The following LRP1B variants were observed in gnomAD, a reference collection of about 807,000 sequenced individuals.
LRP1B encodes low-density lipoprotein receptor-related protein 1B.
A neutral mutation model predicts 556.6 loss-of-function variants in LRP1B; 217 were observed. The observed-to-expected ratio is 0.39, with a 90% CI of 0.35 to 0.44. The LOEUF (loss-of-function observed/expected upper bound fraction) is 0.44. Among genes scored for constraint, LRP1B ranks in the 20% least tolerant of loss-of-function variants. The pLI is 1.00. For synonymous variants in LRP1B, 2,047 were observed against 1,865.8 expected, an observed-to-expected ratio of 1.10 and a Z score of -2.50; for missense variants, 5,053 against 5,620.8, an observed-to-expected ratio of 0.90 and a Z score of 3.23.
At chr2:141,837,985 T>C (rs913086966) in intron 1 of LRP1B, among the ~76,000 whole-genome samples, 6 of 152,130 alleles carry the variant, frequency 3.9e-5, no homozygotes, top group Admixed American at 3.9e-4. Flanking sequence ...ACAGAGAGTA[T>C]ACACTAGGAG....
intron 2 of LRP1B, among the ~76,000 whole-genome samples, chr2:141,599,942 A>G (rs1399625911): frequency 6.6e-6 from 1 of 150,800 alleles, no homozygotes; most frequent in Admixed American, 6.6e-5. Context: ...GCCTCCACTC[A>G]CTCCCTGCCC....
intron 83 of LRP1B, among the ~76,000 whole-genome samples, chr2:140,299,216 C>A (rs1281386936): frequency 1.3e-5 from 2 of 151,992 alleles, no homozygotes; most frequent in Non-Finnish European, 2.9e-5. Flanking sequence ...AAGTCTAAAT[C>A]TTTTGAGAAA....
At chr2:141,847,961 TATA>T (rs1697711023) in intron 1 of LRP1B, among the ~76,000 whole-genome samples, 1 of 151,654 alleles carries the variant, frequency 6.6e-6, no homozygotes, top group South Asian at 2.1e-4. Flanking sequence ...GATTTTTATA[TATA>T]ATATTTACAA....
At chr2:141,747,594 C>T (rs957186964) in intron 2 of LRP1B, among the ~76,000 whole-genome samples, 7 of 151,986 alleles carry the variant, frequency 4.6e-5, no homozygotes, top group African/African-American at 1.7e-4. Flanking sequence ...CTATGATATC[C>T]CGACTGTACT....
chr2:140,851,491 AATC>A (rs746109243), intron 28 of LRP1B, among the ~76,000 whole-genome samples, 158 bp downstream of exon 28: 3 of 152,232 alleles, frequency 2.0e-5, no homozygotes, highest in African/African-American at 4.8e-5. Context: ...AGAGCAGATG[AATC>A]ATCAATAGTG....
intron 41 of LRP1B, among the ~76,000 whole-genome samples, chr2:140,687,076 T>C (rs750547735): frequency 6.6e-6 from 1 of 152,048 alleles, no homozygotes; most frequent in Non-Finnish European, 1.5e-5. Flanking sequence ...TTTGCTCAAA[T>C]AGAAGGAACA....
chr2:141,735,200 A>T (rs1256676592), intron 2 of LRP1B, among the ~76,000 whole-genome samples: 1 of 151,904 alleles, frequency 6.6e-6, no homozygotes, highest in African/African-American at 2.4e-5. Flanking sequence ...TGAAAGACAA[A>T]GCCAGACACA....
At chr2:140,420,562 T>C (rs1180412415) in intron 66 of LRP1B, among the ~76,000 whole-genome samples, 1 of 152,236 alleles carries the variant, frequency 6.6e-6, no homozygotes, top group Non-Finnish European at 1.5e-5. Context: ...ACATGAATGC[T>C]CATAGCAGTT....
chr2:141,693,210 C>A (rs531094716), intron 2 of LRP1B, among the ~76,000 whole-genome samples: 21 of 152,100 alleles, frequency 1.4e-4, no homozygotes, highest in African/African-American at 5.1e-4. Context: ...CAGCAATTAG[C>A]ATTTTTTTCT....
chr2:141,854,052 TA>T (rs1697956570), intron 1 of LRP1B, among the ~76,000 whole-genome samples: 1 of 152,008 alleles, frequency 6.6e-6, no homozygotes, highest in African/African-American at 2.4e-5. Context: ...TATTATTCTG[TA>T]AAGTATGCAA....
chr2:140,987,368 T>G (rs1696957472), intron 17 of LRP1B, among the ~76,000 whole-genome samples: 1 of 152,050 alleles, frequency 6.6e-6, no homozygotes. Flanking sequence ...TATTATTAGG[T>G]TGGTGCAAAA....
At chr2:141,722,593 T>A (rs1264582360) in intron 2 of LRP1B, among the ~76,000 whole-genome samples, 1 of 152,152 alleles carries the variant, frequency 6.6e-6, no homozygotes, top group Non-Finnish European at 1.5e-5. Context: ...AATAATGTAT[T>A]AAGCAAAACT....
chr2:141,209,135 T>A (rs1009027093), intron 6 of LRP1B, among the ~76,000 whole-genome samples: 1 of 151,840 alleles, frequency 6.6e-6, no homozygotes, highest in Admixed American at 6.6e-5. Flanking sequence ...AATAAGGAAA[T>A]CTAGAACTGA....
intron 2 of LRP1B, among the ~76,000 whole-genome samples, chr2:141,662,900 T>C (rs1468445388): frequency 6.6e-6 from 1 of 152,050 alleles, no homozygotes; most frequent in South Asian, 2.1e-4. Flanking sequence ...GCATGACACT[T>C]ACTCCAAAAT....
At chr2:140,634,015 A>G (rs1683986962) in intron 41 of LRP1B, among the ~76,000 whole-genome samples, 4 of 152,190 alleles carry the variant, frequency 2.6e-5, no homozygotes, top group Admixed American at 2.6e-4. Flanking sequence ...ACGGCAGACC[A>G]ATGTTTCTCA....
chr2:141,557,208 C>CA (rs958207570), intron 2 of LRP1B, among the ~76,000 whole-genome samples: 1 of 151,438 alleles, frequency 6.6e-6, no homozygotes, highest in African/African-American at 2.4e-5. Context: ...GCAAAACAAA[C>CA]AAAAAAACTC....
chr2:141,401,955 C>T (rs1381293530), intron 3 of LRP1B, among the ~76,000 whole-genome samples: 1 of 152,090 alleles, frequency 6.6e-6, no homozygotes, highest in Admixed American at 6.5e-5. Flanking sequence ...AGCATGTAAA[C>T]TATATTTGAA....
At chr2:141,057,660 T>A (rs1227489641) in intron 9 of LRP1B, among the ~76,000 whole-genome samples, 1 of 151,846 alleles carries the variant, frequency 6.6e-6, no homozygotes, top group African/African-American at 2.4e-5. Context: ...CCACATAAGA[T>A]GTGACTTGCT....
At chr2:140,881,638 C>A (rs920551164) in intron 25 of LRP1B, among the ~76,000 whole-genome samples, 2 of 151,868 alleles carry the variant, frequency 1.3e-5, no homozygotes, top group Non-Finnish European at 2.9e-5. Flanking sequence ...TTTTGTTACC[C>A]TATTTTAAAA....
Sources: gnomAD v4.1 joint callset for allele counts (sites outside exome capture counted in the v4.1 genomes callset) on GRCh38, gnomAD v4.1.1 for gene constraint, MANE v1.5 for transcripts, NCBI Gene and HGNC (gene_info 2026-07-23, HGNC 2026-07-21) for gene names.